The following ANKH variants were observed in gnomAD, a reference collection of about 807,000 sequenced individuals.
ANKH encodes the protein ANKH inorganic pyrophosphate transport regulator.
ANKH carries 15 observed loss-of-function variants against 49.0 expected under a neutral mutation model. The observed-to-expected ratio is 0.31, with a 90% CI of 0.20 to 0.47. The LOEUF is 0.47. Ranked by LOEUF, ANKH falls within the 20% of genes least tolerant of loss-of-function variation. The probability of loss-of-function intolerance (pLI) is 1.00; values close to 1 mark genes in which losing one functional copy is unlikely to be tolerated. For missense variants in ANKH, 429 were observed against 652.0 expected (o/e 0.66, Z 3.72); for synonymous variants, 273 against 260.0 (o/e 1.05, Z -0.48).
chr5:14,772,103 T>C (rs1739465852), intron 1 of ANKH, among the ~76,000 whole-genome samples: 1 of 152,146 alleles, frequency 6.6e-6, no homozygotes, highest in African/African-American at 2.4e-5. Flanking sequence ...CTTCAAGTTA[T>C]TCCTTGGTTT....
At chr5:14,731,688 G>A (rs146228084) in intron 8 of ANKH, among the ~76,000 whole-genome samples, 93 of 152,350 alleles carry the variant, frequency 6.1e-4, no homozygotes, top group African/African-American at 1.3e-3. Context: ...TGGGAGCCTC[G>A]AGGTTGGAAA....
intron 1 of ANKH, chr5:14,798,180 T>A: frequency 6.3e-7 from 1 of 1,578,772 alleles, no homozygotes; most frequent in Non-Finnish European, 8.7e-7. Flanking sequence ...GTTTTGTTCA[T>A]CCGATGTGTG....
At chr5:14,746,293 T>C (rs1230476132) in intron 6 of ANKH, among the ~76,000 whole-genome samples, 2 of 151,606 alleles carry the variant, frequency 1.3e-5, no homozygotes, top group Non-Finnish European at 2.9e-5. Flanking sequence ...AAGATTCCTT[T>C]TTTTTTTTTT....
chr5:14,770,709 G>A lies in ANKH; in HGVS notation c.97-1518C>T, dbSNP rs545662863. On this transcript the variant is annotated intron_variant, in intron 1 of 11. Transcript: ENST00000284268. The surrounding 1 kb of genome is among the most constrained non-coding windows in gnomAD (Gnocchi z 4.1). ...CTGGAACTTTCCATTTAATATTTCT[G>A]AACCTTGGTCAACCATGGGTAACTG... Among the ~76,000 whole-genome samples the A allele has an allele frequency of 6.6e-6, 1 of 152,084 alleles. No individual in the cohort carries two copies. Among genetic ancestry groups the A allele is most frequent in the Non-Finnish European group, 1.5e-5 (1 of 68,014 alleles).
chr5:14,710,253 A>AGACTT lies in ANKH; in HGVS notation c.*939_*943dup, dbSNP rs988255761. ...CAACCTGGCATTAGAATGCTGGATG[A>AGACTT]GACTTAAAGCTTCAGTTCACTGTAA... On this transcript the variant is annotated 3_prime_UTR_variant, in exon 12 of 12. Coordinates refer to ENST00000284268, the MANE Select transcript of ANKH (RefSeq NM_054027.6). The AGACTT allele has an allele frequency of 1.3e-5, 2 of 150,522 alleles. No homozygotes were observed. The highest frequency in any genetic ancestry group is 4.9e-5 in the African/African-American group (2 of 41,086). 9.3% of individuals were successfully genotyped at this position (150,522 alleles called of 1,614,324 possible). A position where few individuals can be genotyped will look rare whatever the true frequency, so the allele number is the denominator to read the frequency against.
chr5:14,782,541 T>C (rs1471900135), intron 1 of ANKH, among the ~76,000 whole-genome samples: 1 of 152,216 alleles, frequency 6.6e-6, no homozygotes, highest in Non-Finnish European at 1.5e-5. Flanking sequence ...CTACTAGCAA[T>C]ACTTTAAACA....
At chr5:14,815,567 C>T (rs1741009931) in intron 1 of ANKH, among the ~76,000 whole-genome samples, 1 of 152,206 alleles carries the variant, frequency 6.6e-6, no homozygotes, top group South Asian at 2.1e-4. Flanking sequence ...ATGGTTTCTA[C>T]ACTTCCCCAG....
intron 8 of ANKH, 58 bp downstream of exon 8, chr5:14,741,769 C>T (rs911813442): frequency 2.3e-6 from 3 of 1,310,244 alleles, no homozygotes; most frequent in Non-Finnish European, 3.3e-6. Flanking sequence ...AAAATAGCAA[C>T]TTGCCCCTTT....
At chr5:14,853,359 T>C (rs1423146388) in intron 1 of ANKH, among the ~76,000 whole-genome samples, 1 of 152,132 alleles carries the variant, frequency 6.6e-6, no homozygotes, top group African/African-American at 2.4e-5. Flanking sequence ...GAGAATCACT[T>C]GAGCCCTGGG....
At chr5:14,812,547 T>C (rs922857200) in intron 1 of ANKH, among the ~76,000 whole-genome samples, 2 of 152,214 alleles carry the variant, frequency 1.3e-5, no homozygotes, top group Non-Finnish European at 2.9e-5. Context: ...TGAGCAAATC[T>C]TAATGGGCCC....
intron 1 of ANKH, among the ~76,000 whole-genome samples, chr5:14,868,104 CAGGCTCTTTCCT>C (rs1735705978): frequency 6.6e-6 from 1 of 152,176 alleles, no homozygotes; most frequent in Admixed American, 6.5e-5. Context: ...GAGACTGTTA[CAGGCTCTTTCCT>C]AGCCCCTCCA....
At chr5:14,807,421 G>A (rs1740742084) in intron 1 of ANKH, among the ~76,000 whole-genome samples, 1 of 152,134 alleles carries the variant, frequency 6.6e-6, no homozygotes, top group African/African-American at 2.4e-5. Context: ...AGGCTGCCAT[G>A]ATATTCCTTA....
intron 1 of ANKH, among the ~76,000 whole-genome samples, chr5:14,844,311 T>C (rs16903713): frequency 0.043 from 6,582 of 152,322 alleles, 476 homozygotes; most frequent in African/African-American, 0.15. Flanking sequence ...ATTGTTTCAC[T>C]TGCCAAGTTT....
In ANKH at chr5:14,713,330, A is replaced by G. The variant is rs1039158531; in HGVS notation, c.1265+214T>C. On this transcript the variant is annotated intron_variant, in intron 10 of 11. Coordinates refer to ENST00000284268, the MANE Select transcript of ANKH (RefSeq NM_054027.6). The surrounding 1 kb of genome is among the most constrained non-coding windows in gnomAD (Gnocchi z 4.4). ...ATGCCCTGACAGGAGCTCAGTGGCT[A>G]TTATTCGTGTCTGGGCCTGATTTCA... Among the ~76,000 whole-genome samples the G allele has an allele frequency of 4.0e-4, 61 of 152,144 alleles. No individual in the cohort carries two copies. Among genetic ancestry groups the G allele is most frequent in the Admixed American group, 1.2e-3 (18 of 15,282 alleles).
intron 4 of ANKH, among the ~76,000 whole-genome samples, chr5:14,754,389 A>G (rs1294983088): frequency 1.3e-5 from 2 of 151,918 alleles, no homozygotes; most frequent in African/African-American, 4.8e-5. Flanking sequence ...TGTGCTCACA[A>G]ATGCTCACCG....
At chr5:14,819,978 T>A (rs1741154738) in intron 1 of ANKH, among the ~76,000 whole-genome samples, 1 of 151,860 alleles carries the variant, frequency 6.6e-6, no homozygotes. Context: ...ACTCATTATA[T>A]AACGCCAATG....
rs571735637 is a variant in ANKH, at chr5:14,799,976, T to C, written c.97-30785A>G. Reference sequence around the variant, plus strand: ...ACCTTCTGGAAAGAAGTCACCATTCTAGATGCCATTAAGAGAACATTCCTG... The same window carrying C: ...ACCTTCTGGAAAGAAGTCACCATTCCAGATGCCATTAAGAGAACATTCCTG... On this transcript the variant is annotated intron_variant, in intron 1 of 11. Coordinates refer to ENST00000284268, the MANE Select transcript of ANKH (RefSeq NM_054027.6). 2.0e-5 allele frequency among the ~76,000 whole-genome samples: 3 copies of C among 152,282 alleles called. No individual in the cohort carries two copies. The South Asian group carries it at 6.2e-4, about 32-fold the overall frequency.
At position 14,713,530 on chromosome 5, in the gene ANKH, C is replaced by A. The variant is rs1468878217; in HGVS notation, c.1265+14G>T. 6.2e-7 allele frequency: 1 copy of A among 1,613,840 alleles called. No individual in the cohort carries two copies. Among genetic ancestry groups the A allele is most frequent in the East Asian group, 2.2e-5 (1 of 44,892 alleles). ...GCAGAAGGACCCACAGCCCCAAACT[C>A]CCTGACAACATACCCCAGGTAGGGT... is the stretch of plus-strand genomic sequence containing the variant. On this transcript the variant is annotated intron_variant, in intron 10 of 11. Transcript: ENST00000284268. This position sits in a 1 kb window ranked among gnomAD's most constrained non-coding sequence, Gnocchi z 4.4.
chr5:14,846,849 CA>C (rs144141024), intron 1 of ANKH, among the ~76,000 whole-genome samples: 1 of 149,770 alleles, frequency 6.7e-6, no homozygotes, highest in Non-Finnish European at 1.5e-5. Flanking sequence ...CACACGCACA[CA>C]AAAAAAAACT....
Sources: gnomAD v4.1 joint callset for allele counts (sites outside exome capture counted in the v4.1 genomes callset) on GRCh38, gnomAD v4.1.1 for gene constraint, Gnocchi (gnomAD v3.1) non-coding constraint, MANE v1.5 for transcripts, NCBI Gene and HGNC (gene_info 2026-07-23, HGNC 2026-07-21) for gene names.